PDE1C: variants seen among roughly 807,000 people sequenced by gnomAD.
PDE1C encodes the protein dual specificity calcium/calmodulin-dependent 3',5'-cyclic nucleotide phosphodiesterase 1C.
Under a neutral mutation model 93.1 loss-of-function variants are expected in PDE1C, and 62 were observed. The ratio of observed to expected loss-of-function variants is 0.67; its 90% CI spans 0.54 to 0.82. The LOEUF is 0.82. Ranked by LOEUF, PDE1C falls within the 40% of genes least tolerant of loss-of-function variation. The pLI is 0.00. For synonymous variants in PDE1C, 325 were observed against 310.1 expected (o/e 1.05, Z -0.50); for missense variants, 742 against 884.6 (o/e 0.84, Z 2.04).
intron 16 of PDE1C, chr7:31,808,154 TG>T: frequency 2.2e-6 from 1 of 460,940 alleles, no homozygotes; most frequent in Non-Finnish European, 4.2e-6. Context: ...CTCTTCCACC[TG>T]GTTACCCAGC....
chr7:31,931,245 A>C (rs1383212186), intron 2 of PDE1C, among the ~76,000 whole-genome samples: 1 of 152,202 alleles, frequency 6.6e-6, no homozygotes, highest in African/African-American at 2.4e-5. Context: ...CAGGGCAATC[A>C]AGCAAGAGAA....
At chr7:32,188,371 C>T (rs1414675006) in intron 2 of PDE1C, among the ~76,000 whole-genome samples, 3 of 152,060 alleles carry the variant, frequency 2.0e-5, no homozygotes. Flanking sequence ...ACATACGATT[C>T]ATTTATTTAT....
the PDE1C span, among the ~76,000 whole-genome samples, chr7:31,715,032 A>G: frequency 1.3e-5 from 2 of 152,138 alleles, no homozygotes; most frequent in South Asian, 2.1e-4. Context: ...TTCTCACCCA[A>G]CTGGTTATGT....
At chr7:31,856,077 T>G (rs946614041) in intron 7 of PDE1C, among the ~76,000 whole-genome samples, 1 of 152,242 alleles carries the variant, frequency 6.6e-6, no homozygotes, top group African/African-American at 2.4e-5. Context: ...CAGATTACAA[T>G]GTTTTACATT....
the PDE1C span, among the ~76,000 whole-genome samples, chr7:31,724,669 T>C: frequency 6.6e-6 from 1 of 152,222 alleles, no homozygotes; most frequent in African/African-American, 2.4e-5. Flanking sequence ...CCTGCTAAAG[T>C]GTCTTATGAC....
At chr7:32,147,984 T>TAAAAAAAGAAAA (rs1801003193) in intron 3 of PDE1C, among the ~76,000 whole-genome samples, 1 of 79,730 alleles carries the variant, frequency 1.3e-5, no homozygotes, top group Admixed American at 1.3e-4. Flanking sequence ...CCATTTATGC[T>TAAAAAAAGAAAA]AAAAAAAAAA....
the PDE1C span, among the ~76,000 whole-genome samples, chr7:31,634,998 C>T: frequency 6.6e-6 from 1 of 152,162 alleles, no homozygotes; most frequent in South Asian, 2.1e-4. Flanking sequence ...GTGCTGGTAC[C>T]ACTGCCATTA....
At chr7:31,747,504 A>T (rs1794030661), downstream of PDE1C, among the ~76,000 whole-genome samples, 1 of 152,136 alleles carries the variant, frequency 6.6e-6, no homozygotes, top group South Asian at 2.1e-4. Flanking sequence ...GATTGTAATC[A>T]CCTGATGAGT....
At chr7:32,047,176 G>T (rs1792720847) in intron 2 of PDE1C, among the ~76,000 whole-genome samples, 1 of 151,710 alleles carries the variant, frequency 6.6e-6, no homozygotes, top group Admixed American at 6.6e-5. Flanking sequence ...ATAAGTATTT[G>T]GTTATTTCTA....
chr7:32,268,721 T>C (rs761247400), intron 1 of PDE1C, among the ~76,000 whole-genome samples: 2 of 152,210 alleles, frequency 1.3e-5, no homozygotes, highest in Non-Finnish European at 2.9e-5. Flanking sequence ...AATGAATTTA[T>C]TATAGTTTTT....
chr7:31,777,361 C>T (rs1301345182), intron 16 of PDE1C, among the ~76,000 whole-genome samples: 1 of 152,006 alleles, frequency 6.6e-6, no homozygotes, highest in Non-Finnish European at 1.5e-5. Context: ...TGGAGTCTCG[C>T]TCTGTTGCCC....
At chr7:31,652,207 G>A in the PDE1C span, among the ~76,000 whole-genome samples, 1 of 152,158 alleles carries the variant, frequency 6.6e-6, no homozygotes, top group East Asian at 1.9e-4. Context: ...TTTGCTCAAG[G>A]GTACACAGCC....
At chr7:32,381,171 T>C (rs148637433) in intron 1 of PDE1C, among the ~76,000 whole-genome samples, 117 of 151,640 alleles carry the variant, frequency 7.7e-4, no homozygotes, top group African/African-American at 2.7e-3. Context: ...ACCTTCAAAA[T>C]ACAAGCAGAA....
intron 1 of PDE1C, among the ~76,000 whole-genome samples, chr7:32,365,344 G>A (rs1206140942): frequency 1.3e-5 from 2 of 152,078 alleles, no homozygotes; most frequent in Non-Finnish European, 2.9e-5. Context: ...ACATGCACCT[G>A]TGCCAGCTGA....
intron 3 of PDE1C, among the ~76,000 whole-genome samples, chr7:32,103,657 T>C (rs1798146525): frequency 6.6e-6 from 1 of 152,210 alleles, no homozygotes; most frequent in African/African-American, 2.4e-5. Flanking sequence ...GCTGTTAGCT[T>C]GTAATGCTCT....
the PDE1C span, among the ~76,000 whole-genome samples, chr7:31,617,445 T>TTAATTAAAAGAAAATGTGAATTAGTATA: frequency 1.2e-4 from 18 of 152,164 alleles, no homozygotes; most frequent in East Asian, 3.3e-3. Context: ...CCCCAACAGT[T>TTAATTAAAAGAAAATGTGAATTAGTATA]TAATTAAAAG....
the PDE1C span, among the ~76,000 whole-genome samples, chr7:31,687,487 G>C: frequency 6.6e-6 from 1 of 152,224 alleles, no homozygotes; most frequent in East Asian, 1.9e-4. Flanking sequence ...TCTTCCAAGG[G>C]AGGGAATGGA....
At chr7:32,108,431 A>AC (rs1798460262) in intron 3 of PDE1C, among the ~76,000 whole-genome samples, 1 of 114,146 alleles carries the variant, frequency 8.8e-6, no homozygotes, top group South Asian at 2.8e-4. Context: ...ACAGAAAAAA[A>AC]ACCACACACA....
chr7:32,249,971 A>G (rs1285592120), intron 1 of PDE1C, among the ~76,000 whole-genome samples: 2 of 152,246 alleles, frequency 1.3e-5, no homozygotes, highest in Non-Finnish European at 2.9e-5. Context: ...TTCCCTTTAA[A>G]TTATATAAAA....
Sources: allele counts gnomAD v4.1 joint callset (sites outside exome capture counted in the v4.1 genomes callset), GRCh38; gene constraint gnomAD v4.1.1; transcripts MANE v1.5; gene names NCBI Gene and HGNC (gene_info 2026-07-23, HGNC 2026-07-21).